Variants in MTA3 observed in about 807,000 individuals in gnomAD.
The protein encoded by MTA3 is metastasis-associated protein MTA3.
Under a neutral mutation model 83.5 loss-of-function variants are expected in MTA3, and 34 were observed. The ratio of observed to expected loss-of-function variants is 0.41; its 90% CI spans 0.31 to 0.54. The LOEUF is 0.54. Ranked by LOEUF, MTA3 falls within the 20% of genes least tolerant of loss-of-function variation. The pLI is 0.33. For missense variants in MTA3, 761 were observed against 726.4 expected, an observed-to-expected ratio of 1.05 and a Z score of -0.55; for synonymous variants, 303 against 252.7, an observed-to-expected ratio of 1.20 and a Z score of -1.89.
At chr2:42,610,185 G>T (rs899302759) in intron 4 of MTA3, among the ~76,000 whole-genome samples, 5 of 152,212 alleles carry the variant, frequency 3.3e-5, no homozygotes, top group Admixed American at 3.3e-4. Flanking sequence ...TGGTACAGAA[G>T]AGGGTCTAGC....
chr2:42,519,963 G>A (rs1016920339), intron 2 of MTA3, among the ~76,000 whole-genome samples: 3 of 151,938 alleles, frequency 2.0e-5, no homozygotes, highest in African/African-American at 7.3e-5. Flanking sequence ...GATGGCTTGC[G>A]CATAGGAGGT....
chr2:42,565,975 C>T (rs975716091), upstream of MTA3, among the ~76,000 whole-genome samples: 1 of 152,134 alleles, frequency 6.6e-6, no homozygotes, highest in South Asian at 2.1e-4. Flanking sequence ...TGCCATTGCA[C>T]TCCAGCCTGG....
upstream of MTA3, among the ~76,000 whole-genome samples, chr2:42,565,865 G>A (rs1197013314): frequency 1.3e-5 from 2 of 152,034 alleles, no homozygotes; most frequent in Admixed American, 6.6e-5. Flanking sequence ...TTAGCCAGAC[G>A]TGGTGATGGG....
intron 15 of MTA3, among the ~76,000 whole-genome samples, chr2:42,720,187 T>C (rs1007812182): frequency 6.6e-6 from 1 of 151,796 alleles, no homozygotes; most frequent in Non-Finnish European, 1.5e-5. Context: ...TTATTTTATT[T>C]ATTTATTTTT....
chr2:42,730,262 A>G (rs1276631214), intron 16 of MTA3, among the ~76,000 whole-genome samples: 7 of 152,158 alleles, frequency 4.6e-5, no homozygotes, highest in African/African-American at 1.7e-4. Flanking sequence ...GTTAAATAAC[A>G]GTGGTGAAAC....
chr2:42,688,729 T>C (rs1692619194), intron 9 of MTA3, among the ~76,000 whole-genome samples: 1 of 152,016 alleles, frequency 6.6e-6, no homozygotes, highest in South Asian at 2.1e-4. Flanking sequence ...TTTTGGTAGA[T>C]TCTTTCTACA....
chr2:42,526,660 G>A (rs909626415), intron 2 of MTA3, among the ~76,000 whole-genome samples: 8 of 152,092 alleles, frequency 5.3e-5, no homozygotes, highest in Non-Finnish European at 8.8e-5. Flanking sequence ...ATTGGTATGT[G>A]GTTAGGCACC....
chr2:42,711,716 A>G (rs1474025390), intron 14 of MTA3, among the ~76,000 whole-genome samples: 16 of 151,512 alleles, frequency 1.1e-4, no homozygotes. Context: ...GAGATTAGGT[A>G]TTAATAACCT....
intron 14 of MTA3, 184 bp downstream of exon 14, chr2:42,709,280 A>G: frequency 8.3e-7 from 1 of 1,212,062 alleles, no homozygotes; most frequent in Non-Finnish European, 1.0e-6. Context: ...GCCAACCTGG[A>G]AAAAAAAAAT....
intron 12 of MTA3, 40 bp from the exon 13 acceptor site, chr2:42,707,863 A>G (rs779886159): frequency 4.1e-6 from 6 of 1,479,770 alleles, no homozygotes; most frequent in Admixed American, 2.5e-5. Flanking sequence ...TACAAATTAA[A>G]TAGCATTTTT....
intron 8 of MTA3, among the ~76,000 whole-genome samples, chr2:42,675,660 T>A (rs1573578208): frequency 6.6e-6 from 1 of 152,220 alleles, no homozygotes; most frequent in Admixed American, 6.5e-5. Context: ...GTTGTTCATT[T>A]TTTCAAACTT....
intron 8 of MTA3, among the ~76,000 whole-genome samples, chr2:42,666,435 T>C (rs559531298): frequency 4.6e-5 from 7 of 152,354 alleles, no homozygotes; most frequent in African/African-American, 1.7e-4. Context: ...CCTCTGTCTA[T>C]AGCCCCTTTG....
At chr2:42,701,151 T>A (rs1169198858) in intron 11 of MTA3, among the ~76,000 whole-genome samples, 1 of 151,636 alleles carries the variant, frequency 6.6e-6, no homozygotes, top group Non-Finnish European at 1.5e-5. Context: ...ATTATCTATT[T>A]TATAACCAGG....
chr2:42,670,337 C>A (rs1379195725), intron 8 of MTA3, among the ~76,000 whole-genome samples: 2 of 152,000 alleles, frequency 1.3e-5, no homozygotes, highest in African/African-American at 4.8e-5. Flanking sequence ...GTATTCACTT[C>A]ATCCAGATTC....
At chr2:42,672,846 CTTT>C (rs70963344) in intron 8 of MTA3, among the ~76,000 whole-genome samples, 82,451 of 113,932 alleles carry the variant, frequency 0.72, 29,110 homozygotes, top group African/African-American at 0.84. Context: ...GTATAAAAAG[CTTT>C]TTTTTTTTTT....
At chr2:42,748,746 C>G (rs1669635356) in intron 16 of MTA3, among the ~76,000 whole-genome samples, 1 of 152,108 alleles carries the variant, frequency 6.6e-6, no homozygotes, top group Non-Finnish European at 1.5e-5. Flanking sequence ...CCCAGCCAGT[C>G]CAATCATATT....
intron 2 of MTA3, among the ~76,000 whole-genome samples, chr2:42,509,854 T>C (rs1456447325): frequency 1.3e-5 from 2 of 152,158 alleles, no homozygotes; most frequent in Non-Finnish European, 2.9e-5. Context: ...CTCTGAGTGC[T>C]GAACTGGCTA....
intron 2 of MTA3, among the ~76,000 whole-genome samples, chr2:42,528,388 T>C (rs1675815063): frequency 6.6e-6 from 1 of 151,714 alleles, no homozygotes; most frequent in African/African-American, 2.4e-5. Flanking sequence ...CCCGGCTAAT[T>C]TTTGTATTTT....
At chr2:42,626,836 G>A (rs571248895) in intron 4 of MTA3, among the ~76,000 whole-genome samples, 1 of 151,910 alleles carries the variant, frequency 6.6e-6, no homozygotes, top group Non-Finnish European at 1.5e-5. Flanking sequence ...TGTCTCCCAG[G>A]TTCAAGCAAT....
Sources: gnomAD v4.1 joint callset for allele counts (sites outside exome capture counted in the v4.1 genomes callset) on GRCh38, gnomAD v4.1.1 for gene constraint, MANE v1.5 for transcripts, NCBI Gene and HGNC (gene_info 2026-07-23, HGNC 2026-07-21) for gene names.